Variants in REC114 observed in about 807,000 individuals in gnomAD.
REC114 encodes the protein meiotic recombination protein REC114.
Under a neutral mutation model 31.3 loss-of-function variants are expected in REC114, and 27 were observed. The ratio of observed to expected loss-of-function variants is 0.86; its 90% CI spans 0.64 to 1.19. The LOEUF (loss-of-function observed/expected upper bound fraction) is 1.19. Among genes scored for constraint, REC114 ranks in the 50% most tolerant of loss-of-function variants. The pLI, the probability that REC114 is intolerant of heterozygous loss-of-function variation, is 0.00. For missense variants in REC114, 344 were observed against 326.9 expected (o/e 1.05, Z -0.40); for synonymous variants, 134 against 127.7 (o/e 1.05, Z -0.33).
intron 1 of REC114, among the ~76,000 whole-genome samples, chr15:73,446,281 G>T (rs1216505306): frequency 2.6e-5 from 4 of 152,174 alleles, no homozygotes; most frequent in Admixed American, 6.5e-5. Flanking sequence ...TCACATGTGT[G>T]CACACATGCA....
At chr15:73,499,264 A>T (rs568500803) in intron 2 of REC114, among the ~76,000 whole-genome samples, 45 of 152,052 alleles carry the variant, frequency 3.0e-4, no homozygotes, top group African/African-American at 9.6e-4. Flanking sequence ...CTCATAATTG[A>T]CCTGAAACCA....
intron 2 of REC114, among the ~76,000 whole-genome samples, chr15:73,505,196 A>G (rs575659733): frequency 1.1e-4 from 17 of 152,304 alleles, no homozygotes; most frequent in Non-Finnish European, 2.1e-4. Context: ...TTTATGTGCA[A>G]CCTTAGATTC....
chr15:73,474,609 A>C (rs946429234), intron 2 of REC114, among the ~76,000 whole-genome samples: 1 of 152,228 alleles, frequency 6.6e-6, no homozygotes, highest in African/African-American at 2.4e-5. Context: ...AATATTTACT[A>C]TCTACATGGG....
chr15:73,537,287 A>G (rs1894168656), intron 2 of REC114, among the ~76,000 whole-genome samples: 1 of 152,194 alleles, frequency 6.6e-6, no homozygotes, highest in African/African-American at 2.4e-5. Flanking sequence ...GTGAACAATG[A>G]TCAGAGGTTA....
intron 1 of REC114, among the ~76,000 whole-genome samples, chr15:73,458,216 C>G (rs1165132979): frequency 1.3e-5 from 2 of 152,088 alleles, no homozygotes; most frequent in Non-Finnish European, 1.5e-5. Flanking sequence ...TTTCATAAAC[C>G]TTTTTCCATT....
intron 2 of REC114, among the ~76,000 whole-genome samples, chr15:73,481,305 T>C (rs1292003563): frequency 6.6e-6 from 1 of 152,174 alleles, no homozygotes; most frequent in Admixed American, 6.6e-5. Flanking sequence ...GGGAACTTAA[T>C]GCTTCAGATT....
chr15:73,482,393 C>T (rs564614225), intron 2 of REC114, among the ~76,000 whole-genome samples: 44 of 152,312 alleles, frequency 2.9e-4, no homozygotes, highest in African/African-American at 1.0e-3. Flanking sequence ...TGCCATGCGA[C>T]ATGCCTCTTC....
chr15:73,501,496 G>T (rs1214577911), intron 2 of REC114, among the ~76,000 whole-genome samples: 4 of 152,190 alleles, frequency 2.6e-5, no homozygotes, highest in Non-Finnish European at 5.9e-5. Flanking sequence ...CCAGGCTGGA[G>T]TGCAGTGGCA....
chr15:73,481,418 A>G (rs1371397017), intron 2 of REC114, among the ~76,000 whole-genome samples: 1 of 152,016 alleles, frequency 6.6e-6, no homozygotes, highest in African/African-American at 2.4e-5. Context: ...GGCTCCATGG[A>G]GACATACCAC....
At chr15:73,454,340 A>G (rs1357806477) in intron 1 of REC114, among the ~76,000 whole-genome samples, 2 of 152,156 alleles carry the variant, frequency 1.3e-5, no homozygotes, top group Non-Finnish European at 2.9e-5. Context: ...AACGTCCTTA[A>G]TGGTCTTTAC....
At chr15:73,546,286 G>A (rs1254132212) in intron 3 of REC114, among the ~76,000 whole-genome samples, 1 of 152,060 alleles carries the variant, frequency 6.6e-6, no homozygotes, top group Non-Finnish European at 1.5e-5. Flanking sequence ...GAGTAAATAA[G>A]CCCTGTCTTG....
At chr15:73,477,356 T>C (rs1191816863) in intron 2 of REC114, among the ~76,000 whole-genome samples, 1 of 152,226 alleles carries the variant, frequency 6.6e-6, no homozygotes, top group Non-Finnish European at 1.5e-5. Context: ...TTCAATATTT[T>C]TTTCTCTTAT....
intron 2 of REC114, among the ~76,000 whole-genome samples, chr15:73,479,323 AATATAC>A (rs1183387446): frequency 1.1e-4 from 17 of 149,948 alleles, no homozygotes; most frequent in Admixed American, 6.7e-5. Flanking sequence ...TATATATATT[AATATAC>A]ATATAATTAA....
chr15:73,468,382 C>T (rs1311091367), intron 1 of REC114, among the ~76,000 whole-genome samples: 1 of 152,078 alleles, frequency 6.6e-6, no homozygotes, highest in African/African-American at 2.4e-5. Flanking sequence ...GGTTCTAGTT[C>T]TTCATTAGTG....
chr15:73,554,297 G>T (rs1409233666), intron 4 of REC114, among the ~76,000 whole-genome samples: 1 of 152,086 alleles, frequency 6.6e-6, no homozygotes, highest in African/African-American at 2.4e-5. Context: ...TAACTCTGTT[G>T]TACAAATTTT....
At position 73,553,261 on chromosome 15, in the gene REC114, C is replaced by A. The variant is rs1894417168; in HGVS notation, c.546+2111C>A. On this transcript the variant is annotated intron_variant, in intron 4 of 5. Coordinates refer to ENST00000331090, the MANE Select transcript of REC114 (RefSeq NM_001042367.2). ...CCAAACAGATTTTGGTGTTTTCCTT[C>A]CCTTCGTTTGATTTTTGTGAAGATG... Among the ~76,000 whole-genome samples, 2 of 152,188 alleles carry A rather than the reference C, an allele frequency of 1.3e-5. 1 individual carries two copies. Among genetic ancestry groups the A allele is most frequent in the South Asian group, 4.1e-4 (2 of 4,822 alleles).
rs373987958 is a variant in REC114, at chr15:73,479,107, G to T, written c.249+5186G>T. On this transcript the variant is annotated intron_variant, in intron 2 of 5. Coordinates refer to ENST00000331090, the MANE Select transcript of REC114 (RefSeq NM_001042367.2). ...TCCTTTTCAATGTTGAATAGCAATG[G>T]TGAGAGTTGATGTCCTTGCCTTGTT... 1.1e-4 allele frequency among the ~76,000 whole-genome samples: 17 copies of T among 151,910 alleles called. No individual in the cohort carries two copies. In the East Asian group the frequency reaches 2.7e-3, roughly 24 times the overall value.
At chr15:73,520,052 A>G (rs571416844) in intron 2 of REC114, among the ~76,000 whole-genome samples, 15 of 152,318 alleles carry the variant, frequency 9.8e-5, no homozygotes, top group African/African-American at 3.4e-4. Flanking sequence ...GATCTGTCGT[A>G]TAACACTGTG....
chr15:73,553,059 C>T (rs1894413984), intron 4 of REC114, among the ~76,000 whole-genome samples: 1 of 152,178 alleles, frequency 6.6e-6, no homozygotes, highest in South Asian at 2.1e-4. Flanking sequence ...AGGAGATCCA[C>T]CCTCCTCGGC....
Sources: allele counts gnomAD v4.1 joint callset (sites outside exome capture counted in the v4.1 genomes callset), GRCh38; gene constraint gnomAD v4.1.1; transcripts MANE v1.5; gene names NCBI Gene and HGNC (gene_info 2026-07-23, HGNC 2026-07-21).